Variants in IREB2 observed in about 807,000 individuals in gnomAD.
The protein encoded by IREB2 is iron responsive element binding protein 2, also known as iron-responsive element-binding protein 2.
In IREB2, 39 loss-of-function variants were observed where a neutral mutation model predicts 118.8. The ratio of observed to expected loss-of-function variants is 0.33; its 90% CI spans 0.25 to 0.43. IREB2 has a LOEUF of 0.43. Among genes scored for constraint, IREB2 ranks in the 20% least tolerant of loss-of-function variants. IREB2 has a pLI of 1.00. For missense variants in IREB2, 900 were observed against 1,147.3 expected, an observed-to-expected ratio of 0.78 and a Z score of 3.11; for synonymous variants, 372 against 392.2, an observed-to-expected ratio of 0.95 and a Z score of 0.61.
rs373207993 is a variant in IREB2, at chr15:78,471,872, C to T, written c.831C>T (p.Val277=). The T allele has an allele frequency of 1.2e-4, 201 of 1,612,698 alleles. No individual in the cohort carries two copies. The highest frequency in any genetic ancestry group is 1.4e-4 in the Non-Finnish European group (169 of 1,179,414). Residue 277 remains valine (V), a synonymous_variant, in exon 7 of 22, where the codon GTC becomes GTT. Coordinates refer to ENST00000258886, the MANE Select transcript of IREB2 (RefSeq NM_004136.4). Reference sequence around the variant, plus strand: ...ACCTCCTCTTCCCAGACAGTGTAGTCGGCACAGATTCACACATAACGATGG... The same window carrying T: ...ACCTCCTCTTCCCAGACAGTGTAGTTGGCACAGATTCACACATAACGATGG... ...EKDLLFPDSV[V]GTDSHITMVN... is the part of the protein sequence containing the mutation.
chr15:78,448,922 C>T (rs2050976696), intron 2 of IREB2, among the ~76,000 whole-genome samples: 1 of 152,186 alleles, frequency 6.6e-6, no homozygotes, highest in Admixed American at 6.5e-5. Flanking sequence ...ACTAATATTC[C>T]CTATGGGTAA....
At chr15:78,441,841 T>G (rs2050848883) in intron 2 of IREB2, among the ~76,000 whole-genome samples, 1 of 152,228 alleles carries the variant, frequency 6.6e-6, no homozygotes. Context: ...ATAAATACTT[T>G]CAAAACAGAA....
intron 2 of IREB2, among the ~76,000 whole-genome samples, chr15:78,460,418 T>C (rs1029699339): frequency 8.5e-5 from 13 of 152,244 alleles, no homozygotes; most frequent in African/African-American, 2.9e-4. Context: ...AAAGGTTTTT[T>C]AAGAGTCATT....
chr15:78,442,213 A>G (rs1255288987), intron 2 of IREB2, among the ~76,000 whole-genome samples: 1 of 151,530 alleles, frequency 6.6e-6, no homozygotes, highest in African/African-American at 2.4e-5. Flanking sequence ...CTTTTTTAAT[A>G]GAGTGCTTAT....
At chr15:78,468,339 G>A (rs1248161780) in intron 5 of IREB2, among the ~76,000 whole-genome samples, 17 of 152,044 alleles carry the variant, frequency 1.1e-4, no homozygotes, top group Admixed American at 1.1e-3. Context: ...CAACTCCTAG[G>A]CTTAAATGAT....
intron 10 of IREB2, among the ~76,000 whole-genome samples, chr15:78,478,885 A>G (rs2051520592): frequency 6.6e-6 from 1 of 152,188 alleles, no homozygotes; most frequent in South Asian, 2.1e-4. Flanking sequence ...ATTAAAAACA[A>G]ATTCATAGAA....
At chr15:78,467,081 G>A (rs922053119) in intron 5 of IREB2, among the ~76,000 whole-genome samples, 19 of 151,808 alleles carry the variant, frequency 1.3e-4, no homozygotes, top group Admixed American at 4.6e-4. Context: ...GTGGTGTCGC[G>A]CCCCTGTGGT....
At chr15:78,444,271 C>T (rs2050892251) in intron 2 of IREB2, among the ~76,000 whole-genome samples, 1 of 152,120 alleles carries the variant, frequency 6.6e-6, no homozygotes, top group African/African-American at 2.4e-5. Flanking sequence ...AGTGGTGTCT[C>T]CATGTATGAT....
chr15:78,493,850 A>G, intron 18 of IREB2, 59 bp from the exon 19 acceptor site: 4 of 1,530,438 alleles, frequency 2.6e-6, no homozygotes, highest in Non-Finnish European at 2.7e-6. Flanking sequence ...CTTACAGCTC[A>G]ATAGTATGTG....
chr15:78,443,636 T>C (rs933420593), intron 2 of IREB2, among the ~76,000 whole-genome samples: 3 of 151,892 alleles, frequency 2.0e-5, no homozygotes, highest in Non-Finnish European at 4.4e-5. Context: ...GTTTTTTTTG[T>C]TTTTTGTTTT....
chr15:78,473,641 A>G (rs914861226), intron 8 of IREB2: 65 of 369,540 alleles, frequency 1.8e-4, no homozygotes, highest in Admixed American at 1.4e-3. Flanking sequence ...TACTATTACT[A>G]TTCTCATTGT....
intron 10 of IREB2, among the ~76,000 whole-genome samples, chr15:78,482,523 G>A (rs2051591929): frequency 6.6e-6 from 1 of 152,160 alleles, no homozygotes; most frequent in African/African-American, 2.4e-5. Context: ...TCTCTGCTGT[G>A]TCCCTTCAGC....
rs371657878 is a variant in IREB2, at chr15:78,485,870, A to G, written c.1709+30A>G. On this transcript the variant is annotated intron_variant, in intron 13 of 21. Coordinates refer to ENST00000258886, the MANE Select transcript of IREB2 (RefSeq NM_004136.4). ...GTAACAGCTATCGCACTTCATATTGATATTGGTGTTCAGTAGGTACTGAAG... is the reference window on the plus strand; with the variant it reads ...GTAACAGCTATCGCACTTCATATTGGTATTGGTGTTCAGTAGGTACTGAAG... 7.5e-6 allele frequency: 12 copies of G among 1,598,370 alleles called. No individual in the cohort carries two copies. In the African/African-American group the frequency reaches 1.6e-4, roughly 21 times the overall value.
chr15:78,452,808 T>A (rs550660774), intron 2 of IREB2, among the ~76,000 whole-genome samples: 2 of 152,328 alleles, frequency 1.3e-5, no homozygotes, highest in South Asian at 4.1e-4. Context: ...AGTTAACAAA[T>A]TAGCCTGACG....
At chr15:78,463,651 C>T (rs1159550602) in intron 3 of IREB2, among the ~76,000 whole-genome samples, 1 of 152,166 alleles carries the variant, frequency 6.6e-6, no homozygotes, top group Non-Finnish European at 1.5e-5. Context: ...CTTATGATCT[C>T]TCAATAGGTT....
At chr15:78,438,467 G>C (rs1478969415) in intron 1 of IREB2, 111 bp downstream of exon 1, 1 of 1,277,010 alleles carries the variant, frequency 7.8e-7, no homozygotes, top group East Asian at 2.5e-5. Flanking sequence ...CCAGGCCCTC[G>C]GGGCTCGGGT....
rs1267150363 is a variant in IREB2, at chr15:78,470,583, G to A, written c.681G>A (p.Glu227=). 1.3e-6 allele frequency: 2 copies of A among 1,589,132 alleles called. No individual in the cohort carries two copies. The highest frequency in any genetic ancestry group is 1.7e-6 in the Non-Finnish European group (2 of 1,162,956). The change falls in exon 6 of 22, where the codon GAG becomes GAA. Residue 227 remains glutamate (E), a synonymous_variant. Coordinates refer to ENST00000258886, the MANE Select transcript of IREB2 (RefSeq NM_004136.4). ...AAGTAGAATTCGGCAGAAATCGAGA[G>A]AGGCTTCAGTTTTTTAAGGTATAAA... ...NQEVEFGRNR[E]RLQFFKWSSR... is the part of the protein sequence containing the mutation.
intron 2 of IREB2, among the ~76,000 whole-genome samples, chr15:78,440,227 A>G (rs564344120): frequency 6.6e-6 from 1 of 152,236 alleles, no homozygotes; most frequent in East Asian, 1.9e-4. Context: ...GGCCCAAATA[A>G]TCCTCCCACC....
intron 16 of IREB2, 47 bp from the exon 17 acceptor site, chr15:78,490,375 G>A (rs1283509300): frequency 2.4e-6 from 3 of 1,249,178 alleles, no homozygotes; most frequent in African/African-American, 3.0e-5. Flanking sequence ...CTTTTTCTGA[G>A]TCCTTTTATC....
Sources: gnomAD v4.1 joint callset for allele counts (sites outside exome capture counted in the v4.1 genomes callset) on GRCh38, gnomAD v4.1.1 for gene constraint, MANE v1.5 for transcripts, NCBI Gene and HGNC (gene_info 2026-07-23, HGNC 2026-07-21) for gene names.